VLDLR: variants seen among roughly 807,000 people sequenced by gnomAD.
VLDLR encodes the protein very low-density lipoprotein receptor.
Under a neutral mutation model 112.7 loss-of-function variants are expected in VLDLR, and 81 were observed. The ratio of observed to expected loss-of-function variants is 0.72; its 90% CI spans 0.60 to 0.86. The LOEUF is 0.86. Among genes scored for constraint, VLDLR ranks in the 40% least tolerant of loss-of-function variants. The pLI is 0.00. For missense variants in VLDLR, 1,237 were observed against 1,099.4 expected, an observed-to-expected ratio of 1.13 and a Z score of -1.77; for synonymous variants, 436 against 384.8, an observed-to-expected ratio of 1.13 and a Z score of -1.56.
At position 2,648,330 on chromosome 9, in the gene VLDLR, G is replaced by T. The variant is rs1818163618; in HGVS notation, c.1945G>T (p.Ala649Ser). 1 of 1,614,112 alleles carries T rather than the reference G, an allele frequency of 6.2e-7. No individual in the cohort carries two copies. Among genetic ancestry groups the T allele is most frequent in the Non-Finnish European group, 8.5e-7 (1 of 1,180,014 alleles). ...TCTGGAGTTCCTAGCTCATCCTCTT[G>T]CACTAACAATATTTGAGGTAAGATG... ...KSLEFLAHPL[A>S]LTIFEDRVYW... Residue 649 changes from alanine to serine, a missense_variant, in exon 13 of 19, where the codon GCA becomes TCA. Physicochemically the swap from Ala to Ser is moderately conservative, Grantham distance 99. Coordinates refer to ENST00000382100, the MANE Select transcript of VLDLR (RefSeq NM_003383.5).
At chr9:2,634,642 C>G (rs1236889804) in intron 1 of VLDLR, among the ~76,000 whole-genome samples, 1 of 152,166 alleles carries the variant, frequency 6.6e-6, no homozygotes, top group African/African-American at 2.4e-5. Flanking sequence ...TCAGAGAAAT[C>G]GAAACTACAT....
intron 1 of VLDLR, among the ~76,000 whole-genome samples, chr9:2,623,260 C>G (rs1288159534): frequency 1.3e-5 from 2 of 152,224 alleles, no homozygotes; most frequent in Non-Finnish European, 1.5e-5. Flanking sequence ...AGCCACGTTC[C>G]CACTTGGGGC....
chr9:2,651,891 G>C lies in VLDLR; in HGVS notation c.2353G>C (p.Ala785Pro), dbSNP rs983518490. 2 of 1,614,072 alleles carry C rather than the reference G, an allele frequency of 1.2e-6. No homozygotes were observed. The highest frequency in any genetic ancestry group is 1.3e-5 in the African/African-American group (1 of 75,028). Residue 785 changes from alanine (A) to proline (P), a missense_variant, in exon 17 of 19, where the codon GCA becomes CCA. Transcript: ENST00000382100. ...LVPGGINVTT[A>P]VSEVSVPPKG... Reference sequence around the variant, plus strand: ...CTCTGTAGGGATCAATGTGACCACAGCAGTATCAGAGGTCAGTGTTCCCCC... The same window carrying C: ...CTCTGTAGGGATCAATGTGACCACACCAGTATCAGAGGTCAGTGTTCCCCC...
chr9:2,623,114 C>T (rs1816911248), intron 1 of VLDLR, among the ~76,000 whole-genome samples: 1 of 152,204 alleles, frequency 6.6e-6, no homozygotes, highest in Non-Finnish European at 1.5e-5. Context: ...CTGTAATTAG[C>T]CTTCATTCTA....
chr9:2,643,741 T>A lies in VLDLR; in HGVS notation c.934T>A (p.Cys312Ser), dbSNP rs1252783111. The change falls in exon 6 of 19, where the codon TGC (cysteine) becomes AGC (serine). Residue 312 changes from cysteine (C) to serine (S), a missense_variant. Cys to Ser is a moderately radical substitution (Grantham distance 112). Transcript: ENST00000382100. ...TGTCGATGGTTCCGATGAAGTCAACTGCAAAAATGGTAAGGGTTTCTTCTT... is the reference window on the plus strand; with the variant it reads ...TGTCGATGGTTCCGATGAAGTCAACAGCAAAAATGGTAAGGGTTTCTTCTT... ...DCVDGSDEVN[C>S]KNVNQCLGPG... 6.2e-7 allele frequency: 1 copy of A among 1,614,066 alleles called. No homozygotes were observed. Among genetic ancestry groups the A allele is most frequent in the Non-Finnish European group, 8.5e-7 (1 of 1,180,042 alleles).
chr9:2,626,870 T>A (rs1473969913), intron 1 of VLDLR, among the ~76,000 whole-genome samples: 1 of 152,238 alleles, frequency 6.6e-6, no homozygotes, highest in Non-Finnish European at 1.5e-5. Context: ...GTTTCTATTT[T>A]ATAGACTGCC....
chr9:2,647,725 G>C (rs1238426786), intron 12 of VLDLR, 133 bp downstream of exon 12: 8 of 819,006 alleles, frequency 9.8e-6, no homozygotes, highest in Non-Finnish European at 1.7e-5. Context: ...TTTTCAATGG[G>C]AGTAACTGAA....
rs780332222 is a variant in VLDLR at position 2,633,047 on chromosome 9, A to AGTGTGTGTGTGT, written c.83-2405_83-2404insTGTGTGTGTGTG. ...CTCCTTATTGGAGAGAGAGAGAGAG[A>AGTGTGTGTGTGT]GAGAGTGTGTGTGTGTGTGTGTGTG... On this transcript the variant is annotated intron_variant, in intron 1 of 18. Coordinates refer to ENST00000382100, the MANE Select transcript of VLDLR (RefSeq NM_003383.5). Among the ~76,000 whole-genome samples the AGTGTGTGTGTGT allele has an allele frequency of 1.6e-3, 151 of 95,438 alleles. 1 individual carries two copies. The highest frequency in any genetic ancestry group is 5.0e-3 in the African/African-American group (132 of 26,162). The allele number at this position is 95,438 out of a possible 152,430, so 62.6% of individuals were successfully genotyped here. A position where few individuals can be genotyped will look rare whatever the true frequency, so the allele number is the denominator to read the frequency against.
intron 1 of VLDLR, among the ~76,000 whole-genome samples, chr9:2,625,268 G>A (rs895340365): frequency 6.6e-6 from 1 of 152,224 alleles, no homozygotes; most frequent in African/African-American, 2.4e-5. Context: ...AACTCCTAGA[G>A]TAGAACATGA....
At position 2,654,091 on chromosome 9, in the gene VLDLR, GT is replaced by G; in HGVS notation, c.*224del. 1 of 540,972 alleles carries G rather than the reference GT, an allele frequency of 1.8e-6. No individual in the cohort carries two copies. The highest frequency in any genetic ancestry group is 1.9e-5 in the African/African-American group (1 of 52,382). 33.5% of individuals were successfully genotyped at this position (540,972 alleles called of 1,614,324 possible). On this transcript the variant is annotated 3_prime_UTR_variant, in exon 19 of 19. Transcript: ENST00000382100. Reference sequence around the variant, plus strand: ...CTTTGGATGTGGTTACCGAGTATCTGTAACCCTTGAATTTCTAGACAGTATT... The same window carrying G: ...CTTTGGATGTGGTTACCGAGTATCTGAACCCTTGAATTTCTAGACAGTATT...
Position 2,650,413 on chromosome 9 carries a change from A to G in VLDLR, c.2148A>G (p.Glu716=). The change falls in exon 15 of 19, where the codon GAA becomes GAG. Residue 716 remains glutamate, a synonymous_variant. Coordinates refer to ENST00000382100, the MANE Select transcript of VLDLR (RefSeq NM_003383.5). ...CEEDMENGGC[E]YLCLPAPQIN... is the part of the protein sequence containing the mutation. Reference sequence around the variant, plus strand: ...AAGACATGGAGAATGGAGGATGTGAATACCTATGCCTGCCAGCACCACAGA... The same window carrying G: ...AAGACATGGAGAATGGAGGATGTGAGTACCTATGCCTGCCAGCACCACAGA... 6.2e-7 allele frequency: 1 copy of G among 1,614,130 alleles called. No homozygotes were observed. Among genetic ancestry groups the G allele is most frequent in the Non-Finnish European group, 8.5e-7 (1 of 1,180,018 alleles).
At chr9:2,652,121 A>G (rs144598725) in intron 17 of VLDLR, among the ~76,000 whole-genome samples, 167 bp downstream of exon 17, 15 of 152,326 alleles carry the variant, frequency 9.8e-5, no homozygotes, top group African/African-American at 3.4e-4. Flanking sequence ...ATTAAGGCCC[A>G]TATCTTTCTC....
rs375218179 is a variant in VLDLR, at chr9:2,644,742, G to A, written c.1075G>A (p.Glu359Lys). 30 of 1,613,834 alleles carry A rather than the reference G, an allele frequency of 1.9e-5. No individual in the cohort carries two copies. Among genetic ancestry groups the A allele is most frequent in the East Asian group, 6.7e-5 (3 of 44,886 alleles). Residue 359 changes from glutamate (E) to lysine (K), a missense_variant, in exon 8 of 19, where the codon GAA (glutamate) becomes AAA (lysine). Glu to Lys is a moderately conservative substitution (Grantham distance 56, BLOSUM62 1). Transcript: ENST00000382100. ...CTACATTTTTATTCCAGATATAAAC[G>A]AATGCTTGGTAAATAATGGTGGATG... ...DEPLKECHINECLVNNGGCSH... is the reference protein window; with the variant it reads ...DEPLKECHINKCLVNNGGCSH...
rs1471273794 is a variant in VLDLR at position 2,655,547 on chromosome 9, C to G, written c.*1679C>G. On this transcript the variant is annotated 3_prime_UTR_variant, in exon 19 of 19. Transcript: ENST00000382100. ...GAATCAGTGGATGACTCATATTTCA[C>G]TTGCATATGAAATATAAGGCAGTTA... 1 of 152,190 alleles carries G rather than the reference C, an allele frequency of 6.6e-6. No individual in the cohort carries two copies. The highest frequency in any genetic ancestry group is 1.5e-5 in the Non-Finnish European group (1 of 68,036). 9.4% of individuals were successfully genotyped at this position (152,190 alleles called of 1,614,324 possible).
Position 2,622,245 on chromosome 9 carries a change from C to A in VLDLR, c.56C>A (p.Pro19His). Residue 19 changes from proline (P) to histidine (H), a missense_variant, in exon 1 of 19, where the codon CCC becomes CAC. By Grantham distance (77) the Pro-to-His change is moderately conservative. Transcript: ENST00000382100. Reference protein sequence around the residue: ...LWLLLALCWAPRESGATGTGR... With the variant: ...LWLLLALCWAHRESGATGTGR... ...CTGCTGCTCGCGCTGTGCTGGGCGC[C>A]CCGGGAGAGCGGCGCCACCGGAACC... 6.7e-7 allele frequency: 1 copy of A among 1,495,368 alleles called. No individual in the cohort carries two copies. Among genetic ancestry groups the A allele is most frequent in the Non-Finnish European group, 8.9e-7 (1 of 1,129,084 alleles). 92.6% of individuals were successfully genotyped at this position (1,495,368 alleles called of 1,614,324 possible).
intron 1 of VLDLR, among the ~76,000 whole-genome samples, chr9:2,626,673 C>T (rs897509505): frequency 6.6e-6 from 1 of 152,156 alleles, no homozygotes; most frequent in Non-Finnish European, 1.5e-5. Flanking sequence ...GCTAGAGCAG[C>T]TGATTTTGCC....
At chr9:2,641,268 GTGTGCCAGGC>G in intron 3 of VLDLR, 99 bp from the exon 4 acceptor site, 1 of 1,556,140 alleles carries the variant, frequency 6.4e-7, no homozygotes, top group South Asian at 1.1e-5. Flanking sequence ...AATTTCACCA[GTGTGCCAGGC>G]TACTGAGTCA....
At position 2,644,865 on chromosome 9, in the gene VLDLR, A is replaced by G. The variant is rs1244955835; in HGVS notation, c.1186+12A>G. On this transcript the variant is annotated intron_variant, in intron 8 of 18. Coordinates refer to ENST00000382100, the MANE Select transcript of VLDLR (RefSeq NM_003383.5). ...GAAAACCTGTGGAGGTGAGTCTAAG[A>G]AGAAAACCTGGACCCTGCAGGTGAT... is the stretch of plus-strand genomic sequence containing the variant. 6 of 1,614,042 alleles carry G rather than the reference A, an allele frequency of 3.7e-6. No individual in the cohort carries two copies. The highest frequency in any genetic ancestry group is 5.1e-6 in the Non-Finnish European group (6 of 1,180,028).
intron 1 of VLDLR, among the ~76,000 whole-genome samples, chr9:2,634,866 T>A (rs567069075): frequency 6.6e-6 from 1 of 152,346 alleles, no homozygotes; most frequent in South Asian, 2.1e-4. Flanking sequence ...TTCTTCACTG[T>A]GCTTGTAATA....
Sources: gnomAD v4.1 joint callset for allele counts (sites outside exome capture counted in the v4.1 genomes callset) on GRCh38, gnomAD v4.1.1 for gene constraint, MANE v1.5 for transcripts, NCBI Gene and HGNC (gene_info 2026-07-23, HGNC 2026-07-21) for gene names.